Variants in RCCD1 observed in about 807,000 individuals in gnomAD.
The protein encoded by RCCD1 is RCC1 domain containing 1.
Under a neutral mutation model 37.6 loss-of-function variants are expected in RCCD1, and 40 were observed. The observed-to-expected ratio is 1.06, with a 90% CI of 0.83 to 1.39. The LOEUF (loss-of-function observed/expected upper bound fraction) is 1.39. Among genes scored for constraint, RCCD1 ranks in the 40% most tolerant of loss-of-function variants. The pLI is 0.00. For synonymous variants in RCCD1, 263 were observed against 230.0 expected (o/e 1.14, Z -1.30); for missense variants, 577 against 517.3 (o/e 1.12, Z -1.12).
chr15:90,961,525 A>G, intron 7 of RCCD1, 93 bp from the exon 8 acceptor site: 1 of 1,389,004 alleles, frequency 7.2e-7, no homozygotes, highest in Non-Finnish European at 9.8e-7. Context: ...GCATAATCCC[A>G]GCACTTCATT....
At position 90,956,886 on chromosome 15, in the gene RCCD1, C is replaced by T; in HGVS notation, c.152C>T (p.Thr51Ile). Residue 51 changes from threonine to isoleucine, a missense_variant, in exon 2 of 8, where the codon ACC becomes ATC. By Grantham distance (89) the Thr-to-Ile change is moderately conservative. Transcript: ENST00000394258. Reference sequence around the variant, plus strand: ...CGCGTGAGCGCGAGCTGGAGCTACACCGCTTTCGTGACCCGTGAGCACTCC... The same window carrying T: ...CGCGTGAGCGCGAGCTGGAGCTACATCGCTTTCGTGACCCGTGAGCACTCC... ...ICRVSASWSY[T>I]AFVTRGGRLE... The T allele has an allele frequency of 2.3e-6, 3 of 1,289,594 alleles. No homozygotes were observed. The highest frequency in any genetic ancestry group is 5.9e-5 in the South Asian group (2 of 33,668). 79.9% of individuals were successfully genotyped at this position (1,289,594 alleles called of 1,614,324 possible).
At position 90,956,681 on chromosome 15, in the gene RCCD1, TC is replaced by T. The variant is rs913430799; in HGVS notation, c.-48del. 1.3e-5 allele frequency: 16 copies of T among 1,232,132 alleles called. No individual in the cohort carries two copies. The Admixed American group carries it at 3.0e-4, about 23-fold the overall frequency. The allele number at this position is 1,232,132 out of a possible 1,614,324, so 76.3% of individuals were successfully genotyped here. A position where few individuals can be genotyped will look rare whatever the true frequency, so the allele number is the denominator to read the frequency against. On this transcript the variant is annotated 5_prime_UTR_variant, in exon 2 of 8. Coordinates refer to ENST00000394258, the MANE Select transcript of RCCD1 (RefSeq NM_001017919.2). ...CCCACTAGCGGGCTCTTCGCAAGAA[TC>T]CCCCCGGGCCCGCCGCAGCCAGGCG...
Position 90,961,816 on chromosome 15 carries a change from G to T in RCCD1, c.*47G>T. Reference sequence around the variant, plus strand: ...GCAACACCTGTGAGACCCCCATTCAGGTCAAGGAAAACCATTGCCTGCACC... The same window carrying T: ...GCAACACCTGTGAGACCCCCATTCATGTCAAGGAAAACCATTGCCTGCACC... On this transcript the variant is annotated 3_prime_UTR_variant, in exon 8 of 8. Transcript: ENST00000394258. The T allele has an allele frequency of 6.3e-7, 1 of 1,577,448 alleles. No individual in the cohort carries two copies. Among genetic ancestry groups the T allele is most frequent in the Non-Finnish European group, 8.6e-7 (1 of 1,158,658 alleles).
At chr15:90,957,054 C>T in intron 2 of RCCD1, 59 bp from the exon 3 acceptor site, 8 of 1,302,600 alleles carry the variant, frequency 6.1e-6, no homozygotes, top group Middle Eastern at 5.7e-4. Context: ...CAGGAACACC[C>T]CGCTCCCCCC....
Position 90,957,174 on chromosome 15 carries a change from G to A in RCCD1, c.228G>A (p.Ala76=). ...GCGCGGCGGGCCGCTGCAAGGACGC[G>A]TGGGCCTCGGAGGGGCTCCTCGCGG... ...ASGAAGRCKD[A]WASEGLLAVL... Residue 76 remains alanine (A), a synonymous_variant, in exon 3 of 8, where the codon GCG becomes GCA. Coordinates refer to ENST00000394258, the MANE Select transcript of RCCD1 (RefSeq NM_001017919.2). 4 of 1,379,966 alleles carry A rather than the reference G, an allele frequency of 2.9e-6. No individual in the cohort carries two copies. The highest frequency in any genetic ancestry group is 2.8e-6 in the Non-Finnish European group (3 of 1,073,376). 85.5% of individuals were successfully genotyped at this position (1,379,966 alleles called of 1,614,324 possible). A position where few individuals can be genotyped will look rare whatever the true frequency, so the allele number is the denominator to read the frequency against.
At chr15:90,957,780 C>A in intron 4 of RCCD1, 55 bp downstream of exon 4, 1 of 1,539,960 alleles carries the variant, frequency 6.5e-7, no homozygotes, top group Non-Finnish European at 8.8e-7. Flanking sequence ...AAACCTTCCT[C>A]CTCGTTTTCC....
chr15:90,960,499 G>A lies in RCCD1; in HGVS notation c.949+1G>A, dbSNP rs752915078. 1.2e-6 allele frequency: 2 copies of A among 1,606,336 alleles called. No individual in the cohort carries two copies. Among genetic ancestry groups the A allele is most frequent in the Middle Eastern group, 1.7e-4 (1 of 6,004 alleles). On this transcript the variant is annotated splice_donor_variant, in intron 6 of 7. Coordinates refer to ENST00000394258, the MANE Select transcript of RCCD1 (RefSeq NM_001017919.2). LOFTEE classifies it high-confidence loss of function. Reference sequence around the variant, plus strand: ...TCCCGGCACACAGCTGTGGTGACACGTGAGTGGGGCTGGGAGGCACTCTGC... The same window carrying A: ...TCCCGGCACACAGCTGTGGTGACACATGAGTGGGGCTGGGAGGCACTCTGC...
rs2037295344 is a variant in RCCD1 at position 90,960,567 on chromosome 15, A to G, written c.949+69A>G. On this transcript the variant is annotated intron_variant, in intron 6 of 7. Transcript: ENST00000394258. ...CTACGGAAGGGGGTGTGGTCGACGG[A>G]AAAACTTCTGTCTTAAGGCTTCTGT... 5 of 1,475,546 alleles carry G rather than the reference A, an allele frequency of 3.4e-6. No homozygotes were observed. In the Admixed American group the frequency reaches 1.0e-4, roughly 30 times the overall value. The allele number at this position is 1,475,546 out of a possible 1,614,324, so 91.4% of individuals were successfully genotyped here.
intron 4 of RCCD1, among the ~76,000 whole-genome samples, chr15:90,958,651 A>C (rs1341199416): frequency 6.9e-6 from 1 of 144,786 alleles, no homozygotes; most frequent in South Asian, 2.2e-4. Flanking sequence ...AAAAAAAAAG[A>C]AAAGCTACCA....
Position 90,957,182 on chromosome 15 carries a change from C to T in RCCD1, c.236C>T (p.Ser79Leu). The T allele has an allele frequency of 7.2e-7, 1 of 1,387,478 alleles. No homozygotes were observed. Among genetic ancestry groups the T allele is most frequent in the Non-Finnish European group, 9.3e-7 (1 of 1,076,904 alleles). The allele number at this position is 1,387,478 out of a possible 1,614,324, so 85.9% of individuals were successfully genotyped here. A position where few individuals can be genotyped will look rare whatever the true frequency, so the allele number is the denominator to read the frequency against. The change falls in exon 3 of 8, where the codon TCG becomes TTG. Residue 79 changes from serine (S) to leucine (L), a missense_variant. Physicochemically the swap from Ser to Leu is moderately radical, Grantham distance 145. Coordinates refer to ENST00000394258, the MANE Select transcript of RCCD1 (RefSeq NM_001017919.2). The stretch of plus-strand genomic sequence containing the variant: ...GGCCGCTGCAAGGACGCGTGGGCCT[C>T]GGAGGGGCTCCTCGCGGTGCTGCGC... Reference protein sequence around the residue: ...AAGRCKDAWASEGLLAVLRAG... With the variant: ...AAGRCKDAWALEGLLAVLRAG...
rs778888317 is a variant in RCCD1 at position 90,960,498 on chromosome 15, C to T, written c.949C>T (p.Arg317Ter). The T allele has an allele frequency of 3.9e-5, 63 of 1,606,436 alleles. No homozygotes were observed. The highest frequency in any genetic ancestry group is 1.7e-4 in the Middle Eastern group (1 of 6,018). Reference protein sequence around the residue: ...CGSRHTAVVTRTGELYTWGWG... With the variant: ...CGSRHTAVVT ...ATCCCGGCACACAGCTGTGGTGACA[C>T]GTGAGTGGGGCTGGGAGGCACTCTG... Residue 317 changes from arginine to a stop codon, truncating the protein, a stop_gained and splice_region_variant, in exon 6 of 8, where the codon CGA (arginine) becomes TGA (stop). Coordinates refer to ENST00000394258, the MANE Select transcript of RCCD1 (RefSeq NM_001017919.2). LOFTEE classifies it high-confidence loss of function.
chr15:90,956,936 C>T lies in RCCD1; in HGVS notation c.166+36C>T, dbSNP rs955145908. The T allele has an allele frequency of 5.5e-6, 7 of 1,267,560 alleles. No individual in the cohort carries two copies. In the African/African-American group the frequency reaches 1.1e-4, roughly 20 times the overall value. The allele number at this position is 1,267,560 out of a possible 1,614,324, so 78.5% of individuals were successfully genotyped here. On this transcript the variant is annotated intron_variant, in intron 2 of 7. Coordinates refer to ENST00000394258, the MANE Select transcript of RCCD1 (RefSeq NM_001017919.2). ...CCCGCCCCGTCCCCACTTATTCCAG[C>T]CGCGCTCCCCAGTCGCCTCCCCGCA...
At position 90,962,877 on chromosome 15, in the gene RCCD1, C is replaced by A. The variant is rs1004643997; in HGVS notation, c.*1108C>A. The A allele has an allele frequency of 6.6e-6, 1 of 152,160 alleles. No individual in the cohort carries two copies. Among genetic ancestry groups the A allele is most frequent in the African/African-American group, 2.4e-5 (1 of 41,416 alleles). 9.4% of individuals were successfully genotyped at this position (152,160 alleles called of 1,614,324 possible). A position where few individuals can be genotyped will look rare whatever the true frequency, so the allele number is the denominator to read the frequency against. ...TTTGTTTCAGTCTCTCTTGGTATTA[C>A]CAATTTTAATACTTAGGTGATGCTT... On this transcript the variant is annotated 3_prime_UTR_variant, in exon 8 of 8. Transcript: ENST00000394258.
intron 6 of RCCD1, 78 bp downstream of exon 6, chr15:90,960,576 T>G (rs2037295685): frequency 2.9e-6 from 4 of 1,390,718 alleles, no homozygotes; most frequent in Non-Finnish European, 3.9e-6. Context: ...GAAAAACTTC[T>G]GTCTTAAGGC....
Position 90,957,324 on chromosome 15 carries a change from C to T in RCCD1, c.378C>T (p.Ala126=), listed in dbSNP as rs146488462. 0.015 allele frequency: 22,933 copies of T among 1,542,182 alleles called. 244 individuals carry two copies. The highest frequency in any genetic ancestry group is 0.018 in the Non-Finnish European group (20,210 of 1,142,562). Residue 126 remains alanine (A), a synonymous_variant, in exon 3 of 8, where the codon GCC becomes GCT. Transcript: ENST00000394258. The part of the protein sequence containing the change: ...VPEAEGEDDP[A]GEAQAGRLPL... ...AGGCCGAAGGGGAAGACGATCCGGC[C>T]GGTGAGGCCCAGGCTGGGAGGCTAC...
intron 4 of RCCD1, among the ~76,000 whole-genome samples, chr15:90,959,057 T>TTTAG (rs370125487): frequency 9.2e-5 from 14 of 151,458 alleles, no homozygotes; most frequent in African/African-American, 3.4e-4. Flanking sequence ...AGGCCTTAAG[T>TTTAG]TTAGTGTAGA....
At chr15:90,961,278 C>T in intron 7 of RCCD1, 2 of 598,426 alleles carry the variant, frequency 3.3e-6, no homozygotes, top group Non-Finnish European at 3.0e-6. Context: ...CACCCGCCTA[C>T]CTCTCTGAAA....
Position 90,961,872 on chromosome 15 carries a change from A to G in RCCD1, c.*103A>G. On this transcript the variant is annotated 3_prime_UTR_variant, in exon 8 of 8. Coordinates refer to ENST00000394258, the MANE Select transcript of RCCD1 (RefSeq NM_001017919.2). ...GGCCCCATATTTGCCCCTCCCCATC[A>G]CAGTCCTGCCCTTCACCCTCAAGCA... is the stretch of plus-strand genomic sequence containing the variant. The G allele has an allele frequency of 8.4e-7, 1 of 1,191,040 alleles. No homozygotes were observed. Among genetic ancestry groups the G allele is most frequent in the African/African-American group, 1.5e-5 (1 of 65,692 alleles). 73.8% of individuals were successfully genotyped at this position (1,191,040 alleles called of 1,614,324 possible).
At position 90,957,700 on chromosome 15, in the gene RCCD1, G is replaced by A. The variant is rs759920973; in HGVS notation, c.654G>A (p.Gly218=). Residue 218 remains glycine, a synonymous_variant, in exon 4 of 8, where the codon GGG becomes GGA. Coordinates refer to ENST00000394258, the MANE Select transcript of RCCD1 (RefSeq NM_001017919.2). ...TAGTCATGGCTGAGGTGGCCGCGGGGGGCTGGCATTCTGTGTGTGTGAGTG... is the reference window on the plus strand; with the variant it reads ...TAGTCATGGCTGAGGTGGCCGCGGGAGGCTGGCATTCTGTGTGTGTGAGTG... The part of the protein sequence containing the change: ...QGLVMAEVAA[G]GWHSVCVSET... 6 of 1,612,646 alleles carry A rather than the reference G, an allele frequency of 3.7e-6. No homozygotes were observed. The highest frequency in any genetic ancestry group is 2.2e-5 in the East Asian group (1 of 44,860).
Sources: allele counts gnomAD v4.1 joint callset (sites outside exome capture counted in the v4.1 genomes callset), GRCh38; gene constraint gnomAD v4.1.1; transcripts MANE v1.5; gene names NCBI Gene and HGNC (gene_info 2026-07-23, HGNC 2026-07-21).